The following CRYL1 variants were observed in gnomAD, a reference collection of about 807,000 sequenced individuals.
The protein encoded by CRYL1 is lambda-crystallin homolog.
CRYL1 carries 29 observed loss-of-function variants against 36.6 expected under a neutral mutation model. The observed-to-expected ratio is 0.79, with a 90% CI of 0.59 to 1.08. The LOEUF is 1.08. Among genes scored for constraint, CRYL1 ranks in the 50% least tolerant of loss-of-function variants. The pLI is 0.00. For missense variants in CRYL1, 411 were observed against 407.9 expected, an observed-to-expected ratio of 1.01 and a Z score of -0.06; for synonymous variants, 152 against 151.5, an observed-to-expected ratio of 1.00 and a Z score of -0.02.
chr13:20,454,933 A>G (rs1006604989), intron 3 of CRYL1, among the ~76,000 whole-genome samples: 1 of 152,156 alleles, frequency 6.6e-6, no homozygotes, highest in African/African-American at 2.4e-5. Context: ...ATTCCACATC[A>G]TATTGATGTC....
intron 5 of CRYL1, among the ~76,000 whole-genome samples, chr13:20,413,989 C>A (rs2031590573): frequency 6.6e-6 from 1 of 152,026 alleles, no homozygotes; most frequent in South Asian, 2.1e-4. Flanking sequence ...GCCTGGCCAA[C>A]ATGGTGAAAC....
intron 4 of CRYL1, among the ~76,000 whole-genome samples, chr13:20,434,544 TA>T (rs1443598587): frequency 6.6e-6 from 1 of 150,614 alleles, no homozygotes; most frequent in African/African-American, 2.4e-5. Context: ...AGGGGCCAAT[TA>T]GGGAAAAAAA....
intron 3 of CRYL1, among the ~76,000 whole-genome samples, chr13:20,488,357 G>C (rs561998753): frequency 1.3e-5 from 2 of 152,216 alleles, no homozygotes; most frequent in East Asian, 1.9e-4. Flanking sequence ...TCAAGAGATA[G>C]AGGATAATAT....
At chr13:20,479,161 C>T (rs1443807224) in intron 3 of CRYL1, among the ~76,000 whole-genome samples, 1 of 152,092 alleles carries the variant, frequency 6.6e-6, no homozygotes, top group Non-Finnish European at 1.5e-5. Context: ...TTTTAGGAAC[C>T]AAATTAAGAA....
At chr13:20,458,295 G>T (rs146921967) in intron 3 of CRYL1, among the ~76,000 whole-genome samples, 15 of 152,238 alleles carry the variant, frequency 9.9e-5, no homozygotes, top group African/African-American at 3.6e-4. Flanking sequence ...GCAAATTTTT[G>T]ATCAAAGGTA....
At chr13:20,456,549 C>T (rs1015696385) in intron 3 of CRYL1, among the ~76,000 whole-genome samples, 23 of 150,888 alleles carry the variant, frequency 1.5e-4, no homozygotes, top group Non-Finnish European at 2.7e-4. Context: ...CCAGGAGTTC[C>T]AGGCTGCAGT....
At chr13:20,429,827 C>T (rs1395002499) in intron 5 of CRYL1, among the ~76,000 whole-genome samples, 1 of 152,200 alleles carries the variant, frequency 6.6e-6, no homozygotes, top group African/African-American at 2.4e-5. Flanking sequence ...CTCTCTTACC[C>T]TGAAAGCATC....
chr13:20,414,070 G>T (rs949677716), intron 5 of CRYL1, among the ~76,000 whole-genome samples: 18 of 152,068 alleles, frequency 1.2e-4, no homozygotes, highest in African/African-American at 4.3e-4. Flanking sequence ...AGCTACTCAG[G>T]AGGCTGAGGC....
Position 20,449,968 on chromosome 13 carries a change from T to A in CRYL1, c.277-10214A>T, listed in dbSNP as rs375729354. ...ATAACACAAAAAAATGAAAAAGTATTCCATGCTTATGGATTGGAAGAATTA... is the reference window on the plus strand; with the variant it reads ...ATAACACAAAAAAATGAAAAAGTATACCATGCTTATGGATTGGAAGAATTA... On this transcript the variant is annotated intron_variant, in intron 3 of 7. Coordinates refer to ENST00000298248, the MANE Select transcript of CRYL1 (RefSeq NM_015974.3). Among the ~76,000 whole-genome samples the A allele has an allele frequency of 3.4e-4, 52 of 152,270 alleles. 1 individual carries two copies. The East Asian group carries it at 7.1e-3, about 21-fold the overall frequency.
Position 20,415,506 on chromosome 13 carries a change from C to T in CRYL1, c.634-2119G>A, listed in dbSNP as rs1201907364. 2.6e-5 allele frequency among the ~76,000 whole-genome samples: 4 copies of T among 152,150 alleles called. No individual in the cohort carries two copies. Among genetic ancestry groups the T allele is most frequent in the African/African-American group, 7.2e-5 (3 of 41,446 alleles). Reference sequence around the variant, plus strand: ...AGGCGGCCTGGCCCAGGAGCCAGGACGGCCACAGCCACGCCACCACCGGCG... The same window carrying T: ...AGGCGGCCTGGCCCAGGAGCCAGGATGGCCACAGCCACGCCACCACCGGCG... On this transcript the variant is annotated intron_variant, in intron 5 of 7. Coordinates refer to ENST00000298248, the MANE Select transcript of CRYL1 (RefSeq NM_015974.3). This position sits in a 1 kb window ranked among gnomAD's most constrained non-coding sequence, Gnocchi z 4.1.
chr13:20,438,035 C>CCTCGTAATGCTAATCTCA (rs1347918313), intron 4 of CRYL1, among the ~76,000 whole-genome samples: 1 of 152,114 alleles, frequency 6.6e-6, no homozygotes, highest in Non-Finnish European at 1.5e-5. Context: ...AATTAGGGTC[C>CCTCGTAATGCTAATCTCA]CTCGTAATGC....
chr13:20,421,817 G>C (rs1483711497), intron 5 of CRYL1, among the ~76,000 whole-genome samples: 1 of 110,488 alleles, frequency 9.1e-6, no homozygotes, highest in East Asian at 2.7e-4. Flanking sequence ...TTTATTTTTA[G>C]AGTTAGAATA....
intron 3 of CRYL1, among the ~76,000 whole-genome samples, chr13:20,482,454 G>C (rs888331376): frequency 6.6e-6 from 1 of 152,232 alleles, no homozygotes; most frequent in Non-Finnish European, 1.5e-5. Context: ...CTTGAGACCA[G>C]CTTTTCAGAG....
At chr13:20,404,853 C>G in intron 6 of CRYL1, 112 bp from the exon 7 acceptor site, 1 of 739,890 alleles carries the variant, frequency 1.4e-6, no homozygotes, top group South Asian at 1.6e-5. Context: ...ATAAGCTACA[C>G]TCTTCCCTCC....
At chr13:20,437,026 T>G (rs2032235616) in intron 4 of CRYL1, among the ~76,000 whole-genome samples, 1 of 151,982 alleles carries the variant, frequency 6.6e-6, no homozygotes, top group Admixed American at 6.5e-5. Flanking sequence ...CCAGGTGTGG[T>G]GCCTTTGTCT....
chr13:20,525,637 G>C lies in CRYL1; in HGVS notation c.41+117C>G. ...GCAGGGCGCAGGGCTTCGGAGGACC[G>C]GAGGCCGGGGCGGGGACAGCGACCC... On this transcript the variant is annotated intron_variant, in intron 1 of 7. Transcript: ENST00000298248. This position sits in a 1 kb window ranked among gnomAD's most constrained non-coding sequence, Gnocchi z 4.3. The C allele has an allele frequency of 1.2e-6, 1 of 851,994 alleles. No individual in the cohort carries two copies. The highest frequency in any genetic ancestry group is 1.6e-6 in the Non-Finnish European group (1 of 638,910). 52.8% of individuals were successfully genotyped at this position (851,994 alleles called of 1,614,324 possible).
intron 4 of CRYL1, among the ~76,000 whole-genome samples, chr13:20,434,579 C>G (rs1213473232): frequency 6.9e-6 from 1 of 145,640 alleles, no homozygotes; most frequent in African/African-American, 2.6e-5. Context: ...CCCACCCACC[C>G]CTACCGCCCA....
chr13:20,439,762 G>C lies in CRYL1; in HGVS notation c.277-8C>G, dbSNP rs536324140. ...ATCTTCTGGAACACATTCCTGAAAAGGACACGTTTAAATGACTATTCATGA... is the reference window on the plus strand; with the variant it reads ...ATCTTCTGGAACACATTCCTGAAAACGACACGTTTAAATGACTATTCATGA... On this transcript the variant is annotated splice_polypyrimidine_tract_variant and splice_region_variant and intron_variant, in intron 3 of 7. Coordinates refer to ENST00000298248, the MANE Select transcript of CRYL1 (RefSeq NM_015974.3). 1 of 1,613,554 alleles carries C rather than the reference G, an allele frequency of 6.2e-7. No homozygotes were observed. Among genetic ancestry groups the C allele is most frequent in the African/African-American group, 1.3e-5 (1 of 74,902 alleles).
chr13:20,410,661 A>C (rs1220796577), intron 6 of CRYL1, among the ~76,000 whole-genome samples: 7 of 152,234 alleles, frequency 4.6e-5, no homozygotes, highest in African/African-American at 1.7e-4. Flanking sequence ...GAAAAGTAGT[A>C]CGTGAAAGAA....
Sources: allele counts gnomAD v4.1 joint callset (sites outside exome capture counted in the v4.1 genomes callset), GRCh38; gene constraint gnomAD v4.1.1; non-coding constraint Gnocchi (gnomAD v3.1); transcripts MANE v1.5; gene names NCBI Gene and HGNC (gene_info 2026-07-23, HGNC 2026-07-21).